Variants in PCDH7 observed in about 807,000 individuals in gnomAD.
PCDH7 encodes protocadherin-7.
PCDH7 carries 17 observed loss-of-function variants against 58.9 expected under a neutral mutation model. The ratio of observed to expected loss-of-function variants is 0.29; its 90% CI spans 0.20 to 0.43. The LOEUF (loss-of-function observed/expected upper bound fraction) is 0.43. Among genes scored for constraint, PCDH7 ranks in the 20% least tolerant of loss-of-function variants. The probability of loss-of-function intolerance (pLI) is 1.00; values close to 1 mark genes in which losing one functional copy is unlikely to be tolerated. For missense variants in PCDH7, 1,274 were observed against 1,441.0 expected, an observed-to-expected ratio of 0.88 and a Z score of 1.88; for synonymous variants, 664 against 616.4, an observed-to-expected ratio of 1.08 and a Z score of -1.14.
chr4:31,039,499 C>T (rs1026544272), intron 3 of PCDH7, among the ~76,000 whole-genome samples: 5 of 152,114 alleles, frequency 3.3e-5, no homozygotes, highest in South Asian at 2.1e-4. Context: ...TGAGCTCACA[C>T]GATCCTCCTT....
chr4:30,872,655 A>G (rs1053253480), intron 1 of PCDH7, among the ~76,000 whole-genome samples: 1 of 152,022 alleles, frequency 6.6e-6, no homozygotes, highest in Non-Finnish European at 1.5e-5. Flanking sequence ...TAAAATGAGG[A>G]CAATTCCTAT....
exon 2 of PCDH7, chr4:30,731,860 AGCCTAGAAAAT>A (rs1476423038): frequency 7.6e-5 from 1 of 13,086 alleles, no homozygotes; most frequent in Non-Finnish European, 1.5e-4. Context: ...TGTGTTTATG[AGCCTAGAAAAT>A]AGCCTAGAAA....
intron 2 of PCDH7, among the ~76,000 whole-genome samples, chr4:30,935,084 T>G (rs1745176865): frequency 6.6e-6 from 1 of 152,146 alleles, no homozygotes; most frequent in Non-Finnish European, 1.5e-5. Flanking sequence ...GATACATTAT[T>G]ACTGAAGTAT....
chr4:30,993,904 A>G (rs946971492), intron 3 of PCDH7, among the ~76,000 whole-genome samples: 3 of 152,186 alleles, frequency 2.0e-5, no homozygotes, highest in Admixed American at 1.3e-4. Context: ...ATAAATTCAC[A>G]GTTCATAACA....
At chr4:31,032,718 G>A (rs1046996147) in intron 3 of PCDH7, among the ~76,000 whole-genome samples, 3 of 149,608 alleles carry the variant, frequency 2.0e-5, no homozygotes, top group African/African-American at 4.9e-5. Context: ...GAGGGAGGGA[G>A]GGAAAGAGTA....
chr4:30,736,459 A>G (rs937577054), downstream of PCDH7, among the ~76,000 whole-genome samples: 8 of 152,014 alleles, frequency 5.3e-5, no homozygotes, highest in Non-Finnish European at 7.4e-5. Flanking sequence ...AACCAAGTGT[A>G]ATAGGCCTGT....
intron 3 of PCDH7, among the ~76,000 whole-genome samples, chr4:31,080,997 A>G (rs1578743327): frequency 6.6e-6 from 1 of 152,158 alleles, no homozygotes; most frequent in South Asian, 2.1e-4. Flanking sequence ...ACTTTCTGCC[A>G]TGGATCGTGA....
chr4:30,833,468 T>A (rs73123583), intron 1 of PCDH7, among the ~76,000 whole-genome samples: 2,534 of 152,270 alleles, frequency 0.017, 66 homozygotes, highest in African/African-American at 0.055. Flanking sequence ...ATAAGAGCCC[T>A]TGTGATTACA....
chr4:30,792,910 T>C (rs1724317746), intron 1 of PCDH7, among the ~76,000 whole-genome samples: 2 of 152,148 alleles, frequency 1.3e-5, no homozygotes, highest in South Asian at 4.1e-4. Context: ...TATTCTAACA[T>C]TCTGCTGGTT....
chr4:30,827,827 A>G (rs1729288458), intron 1 of PCDH7, among the ~76,000 whole-genome samples: 1 of 152,134 alleles, frequency 6.6e-6, no homozygotes, highest in South Asian at 2.1e-4. Flanking sequence ...TTATTGGAAG[A>G]CATGTTTAGG....
intron 1 of PCDH7, among the ~76,000 whole-genome samples, chr4:30,798,069 TAC>T (rs1213339932): frequency 6.6e-6 from 1 of 152,196 alleles, no homozygotes; most frequent in African/African-American, 2.4e-5. Context: ...ATGCGATAAA[TAC>T]ACAGTGCCAA....
At chr4:30,768,554 A>G (rs1437004963) in intron 1 of PCDH7, among the ~76,000 whole-genome samples, 1 of 152,208 alleles carries the variant, frequency 6.6e-6, no homozygotes, top group African/African-American at 2.4e-5. Flanking sequence ...CTGCTAAAGC[A>G]GGAAATTGGA....
chr4:30,934,607 G>A (rs2066091874), intron 2 of PCDH7, among the ~76,000 whole-genome samples: 1 of 151,918 alleles, frequency 6.6e-6, no homozygotes, highest in African/African-American at 2.4e-5. Context: ...CTCATGCACA[G>A]TTTCTTCTTT....
At position 30,961,135 on chromosome 4, in the gene PCDH7, G is replaced by A. The variant is rs554382801; in HGVS notation, c.*7+10920G>A. ...TACAGTCACTTATTATTTCTTTTAT[G>A]GGAATGTGTGTAAAGTGCTTATTAT... On this transcript the variant is annotated intron_variant, in intron 3 of 3. Coordinates refer to the PCDH7 transcript ENST00000509759. 1.7e-3 allele frequency among the ~76,000 whole-genome samples: 257 copies of A among 152,060 alleles called. 1 individual carries two copies. Among genetic ancestry groups the A allele is most frequent in the African/African-American group, 6.1e-3 (254 of 41,494 alleles).
intron 1 of PCDH7, among the ~76,000 whole-genome samples, chr4:30,865,659 A>T (rs1578098338): frequency 6.6e-6 from 1 of 152,226 alleles, no homozygotes; most frequent in Admixed American, 6.6e-5. Flanking sequence ...AAGGAAAATT[A>T]AGTACAACGT....
chr4:30,949,892 G>GAA (rs1560527696), intron 2 of PCDH7, among the ~76,000 whole-genome samples: 1 of 151,874 alleles, frequency 6.6e-6, no homozygotes, highest in Non-Finnish European at 1.5e-5. Context: ...CAGCCAACTG[G>GAA]GTCCCTGGAT....
intron 1 of PCDH7, among the ~76,000 whole-genome samples, chr4:30,874,337 C>T (rs1014664540): frequency 6.6e-6 from 1 of 151,990 alleles, no homozygotes; most frequent in African/African-American, 2.4e-5. Context: ...AAATGTGGCA[C>T]ATATACACCA....
intron 1 of PCDH7, among the ~76,000 whole-genome samples, chr4:30,872,312 C>T (rs1221011268): frequency 6.6e-6 from 1 of 152,082 alleles, no homozygotes; most frequent in Non-Finnish European, 1.5e-5. Flanking sequence ...CAGAGAGATA[C>T]TTTTGGCTTT....
At chr4:30,906,684 C>T (rs1740973820) in intron 1 of PCDH7, among the ~76,000 whole-genome samples, 1 of 152,106 alleles carries the variant, frequency 6.6e-6, no homozygotes, top group Admixed American at 6.6e-5. Context: ...TAGAAAAGTG[C>T]TGTTATATAG....
Sources: gnomAD v4.1 joint callset for allele counts (sites outside exome capture counted in the v4.1 genomes callset) on GRCh38, gnomAD v4.1.1 for gene constraint, MANE v1.5 for transcripts, NCBI Gene and HGNC (gene_info 2026-07-23, HGNC 2026-07-21) for gene names.